Variants in GRIK1 observed in about 807,000 individuals in gnomAD.
GRIK1 encodes glutamate receptor ionotropic, kainate 1.
GRIK1 carries 69 observed loss-of-function variants against 105.7 expected under a neutral mutation model. That is an observed-to-expected ratio of 0.65 (90% CI 0.54 to 0.80). GRIK1 has a LOEUF of 0.80. Among genes scored for constraint, GRIK1 ranks in the 30% least tolerant of loss-of-function variants. GRIK1 has a pLI of 0.00. For synonymous variants in GRIK1, 438 were observed against 431.3 expected (o/e 1.02, Z -0.19); for missense variants, 1,109 against 1,167.3 (o/e 0.95, Z 0.73).
At chr21:29,731,242 A>C (rs949740347) in intron 1 of GRIK1, among the ~76,000 whole-genome samples, 35 of 152,148 alleles carry the variant, frequency 2.3e-4, no homozygotes, top group African/African-American at 8.4e-4. Context: ...ACTTTGGCCA[A>C]CTTTCTTGAA....
At chr21:29,689,410 T>TCTTAATATTCCAG (rs1363009073) in intron 3 of GRIK1, among the ~76,000 whole-genome samples, 1 of 152,176 alleles carries the variant, frequency 6.6e-6, no homozygotes, top group East Asian at 1.9e-4. Context: ...GTGGTCATAG[T>TCTTAATATTCCAG]CTTATTAGAG....
At chr21:29,793,037 A>G (rs958263085) in intron 1 of GRIK1, among the ~76,000 whole-genome samples, 1 of 152,176 alleles carries the variant, frequency 6.6e-6, no homozygotes, top group Non-Finnish European at 1.5e-5. Flanking sequence ...ATTGCACGTG[A>G]GCAAATCTGA....
At chr21:29,777,766 A>G (rs372143453) in intron 1 of GRIK1, among the ~76,000 whole-genome samples, 4 of 152,148 alleles carry the variant, frequency 2.6e-5, no homozygotes, top group African/African-American at 9.7e-5. Context: ...TGACTGTCGG[A>G]CTAGAGGCTG....
At chr21:29,807,295 G>A (rs2066891274) in intron 1 of GRIK1, among the ~76,000 whole-genome samples, 1 of 152,110 alleles carries the variant, frequency 6.6e-6, no homozygotes, top group Admixed American at 6.6e-5. Flanking sequence ...TGGGGTGTGA[G>A]AAAGAGACAT....
At chr21:29,708,083 G>T (rs192561961) in intron 1 of GRIK1, among the ~76,000 whole-genome samples, 5 of 152,160 alleles carry the variant, frequency 3.3e-5, no homozygotes, top group Admixed American at 1.3e-4. Flanking sequence ...AGAAGTGAAG[G>T]CTGAGCAATT....
chr21:29,794,591 T>C (rs1490890968), intron 1 of GRIK1, among the ~76,000 whole-genome samples: 1 of 152,222 alleles, frequency 6.6e-6, no homozygotes, highest in African/African-American at 2.4e-5. Context: ...AACCAGTACA[T>C]GGGACCTGCT....
intron 1 of GRIK1, among the ~76,000 whole-genome samples, chr21:29,926,702 A>G (rs1409106555): frequency 6.6e-6 from 1 of 152,132 alleles, no homozygotes; most frequent in East Asian, 1.9e-4. Flanking sequence ...TGCCTTCTAC[A>G]GCTTGTTCAA....
At chr21:29,889,272 G>T (rs543263076) in intron 1 of GRIK1, among the ~76,000 whole-genome samples, 20 of 152,148 alleles carry the variant, frequency 1.3e-4, no homozygotes, top group South Asian at 1.2e-3. Flanking sequence ...TTTTCTTAAA[G>T]GTTATATTTA....
intron 1 of GRIK1, among the ~76,000 whole-genome samples, chr21:29,708,214 G>A (rs753070996): frequency 5.3e-5 from 8 of 152,108 alleles, no homozygotes; most frequent in South Asian, 4.1e-4. Context: ...AGTTGCATCC[G>A]TTTGATTACT....
At position 29,831,158 on chromosome 21, in the gene GRIK1, C is replaced by T. The variant is rs542069725; in HGVS notation, c.118+108225G>A. ...GATTTTGCTGAAACACATAATAGAG[C>T]TAGAGACAAATGTTTGTGCCCAACC... On this transcript the variant is annotated intron_variant, in intron 1 of 17. Transcript: ENST00000327783. 2.6e-5 allele frequency among the ~76,000 whole-genome samples: 4 copies of T among 152,262 alleles called. No individual in the cohort carries two copies. In the South Asian group the frequency reaches 8.3e-4, roughly 32 times the overall value.
At chr21:29,554,945 C>T in intron 16 of GRIK1, 107 bp downstream of exon 16, 1 of 908,682 alleles carries the variant, frequency 1.1e-6, no homozygotes, top group Non-Finnish European at 1.7e-6. Flanking sequence ...CTCTTCTGGG[C>T]ATCTAATTCA....
intron 1 of GRIK1, among the ~76,000 whole-genome samples, chr21:29,921,435 G>A (rs1292601678): frequency 3.9e-5 from 6 of 152,080 alleles, no homozygotes; most frequent in Non-Finnish European, 8.8e-5. Context: ...TTTACTCATG[G>A]TTAAAAAAGT....
At chr21:29,649,991 A>G (rs1285837587) in intron 6 of GRIK1, among the ~76,000 whole-genome samples, 5 of 152,250 alleles carry the variant, frequency 3.3e-5, no homozygotes, top group Admixed American at 3.3e-4. Context: ...TCTCCCTTTC[A>G]GAAATATAAT....
intron 1 of GRIK1, among the ~76,000 whole-genome samples, chr21:29,898,628 A>G (rs1200440588): frequency 6.6e-6 from 1 of 152,244 alleles, no homozygotes; most frequent in Non-Finnish European, 1.5e-5. Context: ...CTGGGTTATT[A>G]GACCATATGC....
intron 1 of GRIK1, among the ~76,000 whole-genome samples, chr21:29,779,390 G>T (rs888032657): frequency 2.0e-5 from 3 of 150,106 alleles, no homozygotes. Flanking sequence ...GTGTTTGGAG[G>T]CTTATGTGTG....
At chr21:29,560,361 C>CTT (rs1321997278) in intron 15 of GRIK1, among the ~76,000 whole-genome samples, 400 of 35,120 alleles carry the variant, frequency 0.011, 35 homozygotes, top group East Asian at 0.027. Context: ...CTTTCTTTTT[C>CTT]TTTCTTCCTT....
intron 1 of GRIK1, among the ~76,000 whole-genome samples, chr21:29,854,851 A>T (rs2068416951): frequency 6.6e-6 from 1 of 152,124 alleles, no homozygotes; most frequent in Admixed American, 6.5e-5. Context: ...ATCATTTGAG[A>T]TTTTTCTAAG....
At chr21:29,819,550 A>G (rs892232759) in intron 1 of GRIK1, among the ~76,000 whole-genome samples, 1 of 152,026 alleles carries the variant, frequency 6.6e-6, no homozygotes, top group Non-Finnish European at 1.5e-5. Flanking sequence ...ATAGCGTGAT[A>G]TTTCAAGTTC....
chr21:29,830,339 ACACACACACACACACACACACACT>A (rs1403516671), intron 1 of GRIK1, among the ~76,000 whole-genome samples: 2 of 141,806 alleles, frequency 1.4e-5, no homozygotes, highest in East Asian at 2.4e-4. Flanking sequence ...ACACACACAC[ACACACACACACACACACACACACT>A]CACACACATA....
Sources: gnomAD v4.1 joint callset for allele counts (sites outside exome capture counted in the v4.1 genomes callset) on GRCh38, gnomAD v4.1.1 for gene constraint, MANE v1.5 for transcripts, NCBI Gene and HGNC (gene_info 2026-07-23, HGNC 2026-07-21) for gene names.